MTHFD1: variants seen among roughly 807,000 people sequenced by gnomAD.
MTHFD1 encodes C-1-tetrahydrofolate synthase, cytoplasmic.
MTHFD1 carries 44 observed loss-of-function variants against 110.3 expected under a neutral mutation model. That is an observed-to-expected ratio of 0.40 (90% CI 0.31 to 0.51). The LOEUF is 0.51. Among genes scored for constraint, MTHFD1 ranks in the 20% least tolerant of loss-of-function variants. The pLI is 0.60. For missense variants in MTHFD1, 909 were observed against 1,173.1 expected, an observed-to-expected ratio of 0.77 and a Z score of 3.29; for synonymous variants, 402 against 428.8, an observed-to-expected ratio of 0.94 and a Z score of 0.77.
intron 8 of MTHFD1, among the ~76,000 whole-genome samples, chr14:64,423,940 G>T (rs2078097327): frequency 6.6e-6 from 1 of 151,116 alleles, no homozygotes; most frequent in East Asian, 2.0e-4. Context: ...TGTTAGCCAG[G>T]ATGGTCTTGA....
At chr14:64,457,597 A>G (rs1277614458) in intron 26 of MTHFD1, among the ~76,000 whole-genome samples, 2 of 152,092 alleles carry the variant, frequency 1.3e-5, no homozygotes, top group Non-Finnish European at 2.9e-5. Context: ...CTGGGATTAC[A>G]GGCACACGCC....
chr14:64,445,614 A>G (rs1379095348), intron 22 of MTHFD1, among the ~76,000 whole-genome samples: 2 of 152,180 alleles, frequency 1.3e-5, no homozygotes, highest in African/African-American at 4.8e-5. Flanking sequence ...AGTATTTCAA[A>G]ACTGGCTAGA....
intron 12 of MTHFD1, among the ~76,000 whole-genome samples, chr14:64,428,554 C>A (rs1464178025): frequency 2.1e-5 from 2 of 95,222 alleles, no homozygotes; most frequent in African/African-American, 8.3e-5. Flanking sequence ...CACCCTTCCA[C>A]CTTTTTTTTT....
chr14:64,393,729 G>C (rs1034901131), intron 1 of MTHFD1, among the ~76,000 whole-genome samples: 1 of 152,148 alleles, frequency 6.6e-6, no homozygotes, highest in Non-Finnish European at 1.5e-5. Flanking sequence ...TGGGTAGTGG[G>C]GTTTTGAGCA....
intron 26 of MTHFD1, among the ~76,000 whole-genome samples, chr14:64,456,388 G>T (rs1386984858): frequency 6.6e-6 from 1 of 152,198 alleles, no homozygotes; most frequent in East Asian, 1.9e-4. Context: ...AATTCAAAGT[G>T]TGATGGCTTA....
rs1487007521 is a variant in MTHFD1 at position 64,456,625 on chromosome 14, TATA to T, written c.2719-1586_2719-1584del. Among the ~76,000 whole-genome samples, 3 of 152,202 alleles carry T rather than the reference TATA, an allele frequency of 2.0e-5. No individual in the cohort carries two copies. The East Asian group carries it at 5.8e-4, about 29-fold the overall frequency. ...ACAATGGGCATGTGTCTTTTATCTT[TATA>T]ATGTCATCTTCCGGTTTTTCTGCTG... On this transcript the variant is annotated intron_variant, in intron 26 of 27. Coordinates refer to ENST00000652337, the MANE Select transcript of MTHFD1 (RefSeq NM_005956.4).
intron 8 of MTHFD1, among the ~76,000 whole-genome samples, chr14:64,423,271 C>T (rs1043311487): frequency 6.6e-6 from 1 of 152,076 alleles, no homozygotes; most frequent in South Asian, 2.1e-4. Flanking sequence ...GAAACTCTTG[C>T]GTTTGGAGGC....
rs771824354 is a variant in MTHFD1, at chr14:64,440,448, A to C, written c.1815+182A>C. The C allele has an allele frequency of 1.9e-5, 14 of 749,932 alleles. No homozygotes were observed. In the African/African-American group the frequency reaches 2.1e-4, roughly 11 times the overall value. 46.5% of individuals were successfully genotyped at this position (749,932 alleles called of 1,614,324 possible). On this transcript the variant is annotated intron_variant, in intron 18 of 27. Coordinates refer to ENST00000652337, the MANE Select transcript of MTHFD1 (RefSeq NM_005956.4). ...AATGTTTAAAAAGTACATCAGAGTG[A>C]ATAATAGCTGGTATGCTTTAGTAAT...
Position 64,417,825 on chromosome 14 carries a change from G to A in MTHFD1, c.479-63G>A, listed in dbSNP as rs939965082. The stretch of plus-strand genomic sequence containing the variant: ...TGTGCACTTATTCTAATTTCTCCAC[G>A]TGGCATGCGAAGGAGGGCAGCTTCT... On this transcript the variant is annotated intron_variant, in intron 6 of 27. Coordinates refer to ENST00000652337, the MANE Select transcript of MTHFD1 (RefSeq NM_005956.4). The surrounding 1 kb of genome is among the most constrained non-coding windows in gnomAD (Gnocchi z 4.4). 11 of 1,604,474 alleles carry A rather than the reference G, an allele frequency of 6.9e-6. No individual in the cohort carries two copies. The highest frequency in any genetic ancestry group is 2.2e-5 in the East Asian group (1 of 44,854).
chr14:64,414,717 G>A (rs1470471027), intron 4 of MTHFD1, among the ~76,000 whole-genome samples: 1 of 147,966 alleles, frequency 6.8e-6, no homozygotes, highest in Non-Finnish European at 1.5e-5. Context: ...GAGTGCAATG[G>A]CACAATCTCA....
At chr14:64,411,536 G>A (rs1301022703) in intron 3 of MTHFD1, among the ~76,000 whole-genome samples, 1 of 152,236 alleles carries the variant, frequency 6.6e-6, no homozygotes, top group Non-Finnish European at 1.5e-5. Context: ...ACGTTTTCAT[G>A]TAAGAGGTGG....
chr14:64,432,393 G>A (rs1566567761), intron 15 of MTHFD1, among the ~76,000 whole-genome samples: 2 of 152,134 alleles, frequency 1.3e-5, no homozygotes. Context: ...CAAAATAAAT[G>A]AAAACTCTGT....
intron 27 of MTHFD1, 144 bp downstream of exon 27, chr14:64,458,451 TA>T: frequency 1.4e-6 from 1 of 711,320 alleles, no homozygotes; most frequent in Non-Finnish European, 2.6e-6. Context: ...GGAGAGGGGA[TA>T]GTAATGAGAG....
At chr14:64,397,042 T>G (rs2077855284) in intron 1 of MTHFD1, among the ~76,000 whole-genome samples, 1 of 120,886 alleles carries the variant, frequency 8.3e-6, no homozygotes. Flanking sequence ...GAGGCGGAGC[T>G]TGCAGTGAGC....
At chr14:64,403,886 A>C (rs2077918398) in intron 2 of MTHFD1, among the ~76,000 whole-genome samples, 1 of 152,200 alleles carries the variant, frequency 6.6e-6, no homozygotes, top group South Asian at 2.1e-4. Flanking sequence ...ATATTTCTTC[A>C]TCAAGGGTGG....
At chr14:64,430,276 T>C in intron 13 of MTHFD1, 46 bp downstream of exon 13, 1 of 1,564,464 alleles carries the variant, frequency 6.4e-7, no homozygotes. Flanking sequence ...CCTTTTTTTG[T>C]CGGGGGGGAG....
At position 64,442,063 on chromosome 14, in the gene MTHFD1, G is replaced by A; in HGVS notation, c.1894G>A (p.Val632Met). ...GTCCTGGTTTCCACAGGGCACTCCA[G>A]TGTTTGTCCATGCTGGCCCGTTTGC... Reference protein sequence around the residue: ...NLMQTLEGTPVFVHAGPFANI... With the variant: ...NLMQTLEGTPMFVHAGPFANI... The change falls in exon 20 of 28, where the codon GTG becomes ATG. Residue 632 changes from valine to methionine, a missense_variant. By Grantham distance (21) the Val-to-Met change is conservative (BLOSUM62 1). This residue lies in a region of MTHFD1 where 482 missense variants were observed against 646.0 expected (regional missense o/e 0.75). Transcript: ENST00000652337. 1 of 1,613,802 alleles carries A rather than the reference G, an allele frequency of 6.2e-7. No individual in the cohort carries two copies. Among genetic ancestry groups the A allele is most frequent in the Non-Finnish European group, 8.5e-7 (1 of 1,179,666 alleles).
At chr14:64,421,119 CA>C (rs1421563403) in intron 8 of MTHFD1, among the ~76,000 whole-genome samples, 1 of 152,172 alleles carries the variant, frequency 6.6e-6, no homozygotes, top group African/African-American at 2.4e-5. Flanking sequence ...TTATTCCTTC[CA>C]AACCTTGTTT....
intron 15 of MTHFD1, among the ~76,000 whole-genome samples, chr14:64,433,156 C>CT (rs1261548196): frequency 6.6e-6 from 1 of 152,148 alleles, no homozygotes; most frequent in African/African-American, 2.4e-5. Flanking sequence ...GAGTCTCACT[C>CT]TATCTCCCAG....
Sources: gnomAD v4.1 joint callset for allele counts (sites outside exome capture counted in the v4.1 genomes callset) on GRCh38, gnomAD v4.1.1 for gene constraint, gnomAD v4.1.1 regional missense constraint, Gnocchi (gnomAD v3.1) non-coding constraint, MANE v1.5 for transcripts, NCBI Gene and HGNC (gene_info 2026-07-23, HGNC 2026-07-21) for gene names.